The following MGAT5 variants were observed in gnomAD, a reference collection of about 807,000 sequenced individuals.
MGAT5 encodes the protein alpha-1,6-mannosylglycoprotein 6-beta-N-acetylglucosaminyltransferase.
In MGAT5, 30 loss-of-function variants were observed where a neutral mutation model predicts 94.3. The observed-to-expected ratio is 0.32, with a 90% confidence interval of 0.24 to 0.43. The LOEUF (loss-of-function observed/expected upper bound fraction) is 0.43, where lower values mean the gene tolerates loss of function less well. Among genes scored for constraint, MGAT5 ranks in the 20% least tolerant of loss-of-function variants. The pLI, the probability that MGAT5 is intolerant of heterozygous loss-of-function variation, is 1.00. For missense variants in MGAT5, 691 were observed against 905.5 expected (o/e 0.76, Z 3.04); for synonymous variants, 310 against 322.9 (o/e 0.96, Z 0.43).
chr2:134,361,372 A>G (rs1680090005), intron 9 of MGAT5, among the ~76,000 whole-genome samples: 1 of 152,230 alleles, frequency 6.6e-6, no homozygotes, highest in African/African-American at 2.4e-5. Context: ...CTGCAGGCTC[A>G]TCTCCTGAAA....
chr2:134,150,220 A>G (rs928404671), intron 1 of MGAT5, among the ~76,000 whole-genome samples: 1 of 152,172 alleles, frequency 6.6e-6, no homozygotes, highest in African/African-American at 2.4e-5. Context: ...CTGGCCTCCT[A>G]GCGTCTTGAT....
chr2:134,176,949 C>T (rs1309754337), intron 1 of MGAT5, among the ~76,000 whole-genome samples: 3 of 152,110 alleles, frequency 2.0e-5, no homozygotes, highest in Admixed American at 6.5e-5. Context: ...ACTGGTCTCC[C>T]GACAGGACAT....
intron 15 of MGAT5, among the ~76,000 whole-genome samples, chr2:134,443,716 A>G (rs1685615402): frequency 6.6e-6 from 1 of 152,190 alleles, no homozygotes; most frequent in African/African-American, 2.4e-5. Flanking sequence ...CTTGAATTGT[A>G]GGGTCCTGTG....
chr2:134,275,714 C>T (rs1684320421), intron 2 of MGAT5, among the ~76,000 whole-genome samples: 1 of 150,756 alleles, frequency 6.6e-6, no homozygotes, highest in South Asian at 2.1e-4. Context: ...TTCTGAGTAG[C>T]TGGGACTACA....
At chr2:134,394,804 G>A (rs1337409837) in intron 10 of MGAT5, among the ~76,000 whole-genome samples, 17 of 152,126 alleles carry the variant, frequency 1.1e-4, no homozygotes, top group Non-Finnish European at 2.9e-5. Context: ...AATAATAGGA[G>A]ACACTTCTCC....
intron 1 of MGAT5, among the ~76,000 whole-genome samples, chr2:134,206,770 T>C (rs1680039578): frequency 6.6e-6 from 1 of 152,124 alleles, no homozygotes. Context: ...GGAATTAGCA[T>C]GCTGTGGCCA....
rs891327716 is a variant in MGAT5 at position 134,217,057 on chromosome 2, G to T, written c.-142-37205G>T. Among the ~76,000 whole-genome samples the T allele has an allele frequency of 3.9e-5, 6 of 152,286 alleles. No individual in the cohort carries two copies. In the East Asian group the frequency reaches 1.2e-3, roughly 29 times the overall value. On this transcript the variant is annotated intron_variant, in intron 1 of 16. Transcript: ENST00000409645. ...TCTCTGTGGATTGTAGATGGAGGTT[G>T]TTCCAGGAGGCTGGCAGGATCCTTA... is the stretch of plus-strand genomic sequence containing the variant.
intron 1 of MGAT5, among the ~76,000 whole-genome samples, chr2:134,197,484 G>A (rs1297537904): frequency 6.6e-6 from 1 of 152,204 alleles, no homozygotes; most frequent in Non-Finnish European, 1.5e-5. Flanking sequence ...TGGGATTTGA[G>A]ATTAAAGAGA....
At chr2:134,189,602 G>GTTTTGTTTTGTTTTGTTTTTTTTTTT (rs1553490380) in intron 1 of MGAT5, among the ~76,000 whole-genome samples, 2 of 84,654 alleles carry the variant, frequency 2.4e-5, no homozygotes, top group African/African-American at 9.5e-5. Context: ...GTTTTTTTTT[G>GTTTTGTTTTGTTTTGTTTTTTTTTTT]TTTTTTTTTT....
At chr2:134,244,610 T>C (rs1682138155) in intron 1 of MGAT5, among the ~76,000 whole-genome samples, 1 of 152,194 alleles carries the variant, frequency 6.6e-6, no homozygotes, top group Non-Finnish European at 1.5e-5. Context: ...CTGAGCCTGC[T>C]GGTCTTGAGG....
chr2:134,409,809 C>T (rs989757545), intron 11 of MGAT5, among the ~76,000 whole-genome samples: 1 of 152,156 alleles, frequency 6.6e-6, no homozygotes, highest in Non-Finnish European at 1.5e-5. Flanking sequence ...TTACTGGACC[C>T]TTTGTGAATG....
chr2:134,196,673 T>C (rs1679509858), intron 1 of MGAT5, among the ~76,000 whole-genome samples: 1 of 152,254 alleles, frequency 6.6e-6, no homozygotes, highest in South Asian at 2.1e-4. Context: ...TTGTCCAGAC[T>C]GCGGGCCACC....
intron 10 of MGAT5, among the ~76,000 whole-genome samples, chr2:134,388,171 T>C (rs567013288): frequency 4.6e-5 from 7 of 152,318 alleles, no homozygotes; most frequent in Admixed American, 1.3e-4. Context: ...CTCTCCACTT[T>C]GAGTATTTGA....
rs113038461 is a variant in MGAT5, at chr2:134,448,504, G to A, written c.2028-145G>A. 725 of 767,106 alleles carry A rather than the reference G, an allele frequency of 9.5e-4. 3 individuals are homozygous for A. The African/African-American group carries it at 0.011, about 11-fold the overall frequency. The allele number at this position is 767,106 out of a possible 1,614,324, so 47.5% of individuals were successfully genotyped here. A position where few individuals can be genotyped will look rare whatever the true frequency, so the allele number is the denominator to read the frequency against. On this transcript the variant is annotated intron_variant, in intron 15 of 15. Transcript: ENST00000281923. Reference sequence around the variant, plus strand: ...CTAGAGGTGGAGGATTGCAGACGAAGAGGGTGGGCACCATTTCATTTCTAA... The same window carrying A: ...CTAGAGGTGGAGGATTGCAGACGAAAAGGGTGGGCACCATTTCATTTCTAA...
intron 1 of MGAT5, among the ~76,000 whole-genome samples, chr2:134,238,760 A>C (rs1297420530): frequency 2.0e-5 from 3 of 152,250 alleles, no homozygotes; most frequent in East Asian, 3.9e-4. Context: ...CCTGGCCAAC[A>C]TGGTGAAACC....
intron 1 of MGAT5, among the ~76,000 whole-genome samples, chr2:134,176,246 T>G (rs1319922862): frequency 6.7e-6 from 1 of 150,296 alleles, no homozygotes; most frequent in African/African-American, 2.5e-5. Context: ...GGCTGAAGAG[T>G]TTTGGGACTC....
At chr2:134,176,170 T>A (rs1419793901) in intron 1 of MGAT5, among the ~76,000 whole-genome samples, 1 of 151,916 alleles carries the variant, frequency 6.6e-6, no homozygotes, top group Admixed American at 6.6e-5. Flanking sequence ...GGCCAGAACA[T>A]GGAGGAGAGC....
At chr2:134,287,366 T>C (rs968066844) in intron 2 of MGAT5, among the ~76,000 whole-genome samples, 2 of 152,252 alleles carry the variant, frequency 1.3e-5, no homozygotes, top group African/African-American at 4.8e-5. Flanking sequence ...TTTAAAAATA[T>C]TGTTAAATCA....
At chr2:134,177,460 A>G (rs913244733) in intron 1 of MGAT5, among the ~76,000 whole-genome samples, 2 of 152,180 alleles carry the variant, frequency 1.3e-5, no homozygotes, top group African/African-American at 4.8e-5. Context: ...TGCCAAGAAC[A>G]CAGTCACCTG....
Sources: allele counts gnomAD v4.1 joint callset (sites outside exome capture counted in the v4.1 genomes callset), GRCh38; gene constraint gnomAD v4.1.1; transcripts MANE v1.5; gene names NCBI Gene and HGNC (gene_info 2026-07-23, HGNC 2026-07-21).